Variants in TAX1BP1 observed in about 807,000 individuals in gnomAD.
TAX1BP1 encodes tax1-binding protein 1.
In TAX1BP1, 62 loss-of-function variants were observed where a neutral mutation model predicts 97.7. That is an observed-to-expected ratio of 0.63 (90% confidence interval 0.52 to 0.78). The LOEUF is 0.78. TAX1BP1 is among the 30% of genes least tolerant of loss of function. TAX1BP1 has a pLI of 0.00. For missense variants in TAX1BP1, 867 were observed against 916.1 expected (o/e 0.95, Z 0.69); for synonymous variants, 340 against 304.2 (o/e 1.12, Z -1.23).
chr7:27,751,593 G>A (rs575668838), intron 2 of TAX1BP1, among the ~76,000 whole-genome samples: 5 of 152,152 alleles, frequency 3.3e-5, no homozygotes, highest in Non-Finnish European at 7.4e-5. Context: ...GTAAGTTCTT[G>A]GAAGTAGAAT....
At chr7:27,802,749 G>A (rs1188336610) in intron 13 of TAX1BP1, among the ~76,000 whole-genome samples, 2 of 152,030 alleles carry the variant, frequency 1.3e-5, no homozygotes, top group African/African-American at 4.8e-5. Flanking sequence ...TCCCGGGGGC[G>A]TGATATTTGA....
chr7:27,805,801 A>G (rs1790314285), intron 13 of TAX1BP1, among the ~76,000 whole-genome samples: 1 of 151,996 alleles, frequency 6.6e-6, no homozygotes, highest in Admixed American at 6.5e-5. Flanking sequence ...GTGCCACTAC[A>G]CTCCAGCCTG....
intron 2 of TAX1BP1, among the ~76,000 whole-genome samples, chr7:27,753,295 G>A (rs1004747157): frequency 4.6e-5 from 7 of 151,458 alleles, no homozygotes; most frequent in South Asian, 2.1e-4. Context: ...GCGAGACTCC[G>A]TCTCAAATAA....
At chr7:27,763,311 A>C (rs1788499618) in intron 3 of TAX1BP1, among the ~76,000 whole-genome samples, 1 of 152,216 alleles carries the variant, frequency 6.6e-6, no homozygotes, top group Non-Finnish European at 1.5e-5. Context: ...ATTTGACTCG[A>C]AAATTTAGTT....
At chr7:27,799,331 T>A (rs1790048427) in intron 12 of TAX1BP1, among the ~76,000 whole-genome samples, 1 of 152,212 alleles carries the variant, frequency 6.6e-6, no homozygotes, top group African/African-American at 2.4e-5. Context: ...TACCTTTTTG[T>A]CATGATTTGT....
At chr7:27,786,054 C>T (rs1671790348) in intron 7 of TAX1BP1, among the ~76,000 whole-genome samples, 1 of 151,762 alleles carries the variant, frequency 6.6e-6, no homozygotes, top group African/African-American at 2.4e-5. Context: ...TAGAGTTTGA[C>T]TTTTAGAATA....
At chr7:27,820,433 G>C (rs1256830179) in intron 15 of TAX1BP1, among the ~76,000 whole-genome samples, 6 of 152,060 alleles carry the variant, frequency 3.9e-5, no homozygotes, top group Admixed American at 3.9e-4. Context: ...GAGAGTTGAG[G>C]GCTGTTTCCC....
chr7:27,827,354 A>C (rs1192205307), intron 15 of TAX1BP1, among the ~76,000 whole-genome samples: 1 of 139,270 alleles, frequency 7.2e-6, no homozygotes, highest in East Asian at 2.0e-4. Context: ...ACTCCATCTC[A>C]AAAAAAAAAA....
chr7:27,754,095 C>G (rs577000251), intron 2 of TAX1BP1, among the ~76,000 whole-genome samples: 69 of 152,190 alleles, frequency 4.5e-4, no homozygotes, highest in African/African-American at 1.6e-3. Context: ...ATAACATGTC[C>G]TATACTAGAC....
At chr7:27,747,951 T>TC (rs1415304885) in intron 1 of TAX1BP1, among the ~76,000 whole-genome samples, 7 of 151,854 alleles carry the variant, frequency 4.6e-5, no homozygotes, top group Non-Finnish European at 8.8e-5. Flanking sequence ...AGGGCAGGAA[T>TC]GTAGGCACAG....
chr7:27,785,082 T>C, intron 5 of TAX1BP1, 81 bp from the exon 6 acceptor site: 1 of 1,365,930 alleles, frequency 7.3e-7, no homozygotes. Context: ...TAAGAATACA[T>C]AGTTTTCTTA....
At chr7:27,827,000 G>A (rs965938417) in intron 15 of TAX1BP1, among the ~76,000 whole-genome samples, 3 of 152,152 alleles carry the variant, frequency 2.0e-5, no homozygotes, top group African/African-American at 7.2e-5. Flanking sequence ...TGTCTTTCTT[G>A]TAATTAAGCT....
At chr7:27,792,287 C>T in intron 9 of TAX1BP1, 57 bp downstream of exon 9, 1 of 1,429,786 alleles carries the variant, frequency 7.0e-7, no homozygotes, top group Non-Finnish European at 9.6e-7. Context: ...TATAATCTCA[C>T]AAAGTAGTAA....
chr7:27,813,145 CTTTTTTTT>C (rs57301512), intron 13 of TAX1BP1, among the ~76,000 whole-genome samples: 3 of 108,938 alleles, frequency 2.8e-5, no homozygotes, highest in Admixed American at 1.2e-4. Flanking sequence ...CTTTGTTCTG[CTTTTTTTT>C]TTTTTTTTTT....
Position 27,753,526 on chromosome 7 carries a change from G to T in TAX1BP1, c.163-4505G>T, listed in dbSNP as rs149577138. Among the ~76,000 whole-genome samples, 19 of 152,254 alleles carry T rather than the reference G, an allele frequency of 1.2e-4. No homozygotes were observed. In the East Asian group the frequency reaches 3.5e-3, roughly 28 times the overall value. ...ATTACCTTACAGTTAAAGATCCCCA[G>T]TGGATGCCTGAAATTACAGGTAGTA... On this transcript the variant is annotated intron_variant, in intron 2 of 16. Transcript: ENST00000396319.
chr7:27,822,215 TA>T (rs1349983818), intron 15 of TAX1BP1, among the ~76,000 whole-genome samples: 9 of 152,222 alleles, frequency 5.9e-5, no homozygotes, highest in Middle Eastern at 3.2e-3. Context: ...GCATTTTGGA[TA>T]AGGGGGACTC....
At chr7:27,749,007 C>G (rs1362347734) in intron 2 of TAX1BP1, among the ~76,000 whole-genome samples, 4 of 151,978 alleles carry the variant, frequency 2.6e-5, no homozygotes, top group Admixed American at 6.6e-5. Flanking sequence ...TATTATTTAC[C>G]ATTTTTTCCA....
intron 5 of TAX1BP1, among the ~76,000 whole-genome samples, chr7:27,784,960 A>G (rs1225045437): frequency 6.6e-6 from 1 of 152,180 alleles, no homozygotes; most frequent in East Asian, 1.9e-4. Flanking sequence ...CCCAAACAAA[A>G]AACAAATTAT....
intron 8 of TAX1BP1, among the ~76,000 whole-genome samples, chr7:27,790,156 T>C (rs193272832): frequency 1.8e-4 from 28 of 152,130 alleles, no homozygotes; most frequent in Middle Eastern, 6.8e-3. Flanking sequence ...CAAATTAGAA[T>C]TTATACATTT....
Sources: gnomAD v4.1 joint callset for allele counts (sites outside exome capture counted in the v4.1 genomes callset) on GRCh38, gnomAD v4.1.1 for gene constraint, MANE v1.5 for transcripts, NCBI Gene and HGNC (gene_info 2026-07-23, HGNC 2026-07-21) for gene names.